REDIC1: variants seen among roughly 807,000 people sequenced by gnomAD.
REDIC1 encodes HEI10 Interacting Protein 1.
At chr12:39,664,890 G>A in the REDIC1 span, among the ~76,000 whole-genome samples, 1 of 152,152 alleles carries the variant, frequency 6.6e-6, no homozygotes, top group African/African-American at 2.4e-5. Context: ...AGAAGTGTCT[G>A]TTCATATCCT....
chr12:39,705,167 C>T, the REDIC1 span, among the ~76,000 whole-genome samples: 3 of 151,850 alleles, frequency 2.0e-5, no homozygotes, highest in African/African-American at 7.3e-5. Flanking sequence ...AAGGATCATT[C>T]GTGGGTGCTA....
chr12:39,711,456 C>T, the REDIC1 span, among the ~76,000 whole-genome samples: 4 of 139,738 alleles, frequency 2.9e-5, no homozygotes, highest in African/African-American at 1.1e-4. Flanking sequence ...CATATATACA[C>T]ATATACACAT....
chr12:39,698,844 C>G, the REDIC1 span, among the ~76,000 whole-genome samples: 230 of 152,120 alleles, frequency 1.5e-3, 2 homozygotes, highest in African/African-American at 5.3e-3. Context: ...AAAAGCAGTA[C>G]TAAGAGGGAA....
At chr12:39,699,278 C>T in the REDIC1 span, among the ~76,000 whole-genome samples, 1 of 152,186 alleles carries the variant, frequency 6.6e-6, no homozygotes, top group East Asian at 1.9e-4. Context: ...CGAGGCATTG[C>T]CTCACTCGGG....
chr12:39,712,574 C>A, the REDIC1 span, among the ~76,000 whole-genome samples: 2 of 138,618 alleles, frequency 1.4e-5, no homozygotes. Flanking sequence ...TACGTATATA[C>A]GTATATATGT....
At chr12:39,718,556 C>T in the REDIC1 span, among the ~76,000 whole-genome samples, 1 of 152,038 alleles carries the variant, frequency 6.6e-6, no homozygotes, top group African/African-American at 2.4e-5. Flanking sequence ...TAAATAAGGG[C>T]AATCTTGGTC....
chr12:39,816,493 T>C, the REDIC1 span, among the ~76,000 whole-genome samples: 118 of 150,464 alleles, frequency 7.8e-4, 2 homozygotes, highest in South Asian at 7.4e-3. Flanking sequence ...GACGAGTTAA[T>C]GGGTGCAGCA....
the REDIC1 span, chr12:39,650,198 C>T: frequency 1.3e-6 from 2 of 1,496,420 alleles, no homozygotes; most frequent in East Asian, 2.4e-5. This position sits in a 1 kb window ranked among gnomAD's most constrained non-coding sequence, Gnocchi z 4.3. Context: ...TATATATGTA[C>T]ATTTACTATT....
the REDIC1 span, among the ~76,000 whole-genome samples, chr12:39,891,850 T>C: frequency 6.6e-6 from 1 of 152,208 alleles, no homozygotes; most frequent in African/African-American, 2.4e-5. Context: ...CTATCTTTAC[T>C]GTGAAATAAC....
At chr12:39,896,051 T>C in the REDIC1 span, among the ~76,000 whole-genome samples, 1 of 137,210 alleles carries the variant, frequency 7.3e-6, no homozygotes. Flanking sequence ...TATACGCATG[T>C]ATATATGCAT....
chr12:39,837,871 A>G, the REDIC1 span, among the ~76,000 whole-genome samples: 30 of 151,060 alleles, frequency 2.0e-4, no homozygotes, highest in East Asian at 5.9e-4. Flanking sequence ...GGAGAAATAG[A>G]AACACTTTTA....
chr12:39,627,961 G>A, the REDIC1 span, among the ~76,000 whole-genome samples: 1 of 152,162 alleles, frequency 6.6e-6, no homozygotes, highest in African/African-American at 2.4e-5. Flanking sequence ...TGACTGGTGG[G>A]TGATGGTGGT....
At chr12:39,650,438 T>A in the REDIC1 span, 1 of 1,492,662 alleles carries the variant, frequency 6.7e-7, no homozygotes, top group Non-Finnish European at 8.9e-7. The surrounding 1 kb of genome is among the most constrained non-coding windows in gnomAD (Gnocchi z 4.3). Context: ...GACACAAATA[T>A]TTTTAGTTAA....
chr12:39,773,363 A>G, the REDIC1 span, among the ~76,000 whole-genome samples: 2 of 152,186 alleles, frequency 1.3e-5, no homozygotes, highest in Non-Finnish European at 2.9e-5. Context: ...TACAGACCAA[A>G]TAAATAATCG....
At chr12:39,712,876 C>CATATACGT in the REDIC1 span, among the ~76,000 whole-genome samples, 1 of 66,034 alleles carries the variant, frequency 1.5e-5, no homozygotes, top group Non-Finnish European at 3.7e-5. Flanking sequence ...CGTATATACA[C>CATATACGT]GTATATACAT....
At chr12:39,708,449 T>A in the REDIC1 span, among the ~76,000 whole-genome samples, 9 of 151,964 alleles carry the variant, frequency 5.9e-5, no homozygotes, top group African/African-American at 2.2e-4. Context: ...TGTAGTTAAA[T>A]TGATCAATTT....
the REDIC1 span, among the ~76,000 whole-genome samples, chr12:39,883,707 C>G: frequency 6.6e-6 from 1 of 152,110 alleles, no homozygotes; most frequent in East Asian, 1.9e-4. Flanking sequence ...TTTGCAAGAA[C>G]TTTCATTCTA....
the REDIC1 span, among the ~76,000 whole-genome samples, chr12:39,816,293 G>A: frequency 1.0e-3 from 155 of 152,126 alleles, 1 homozygote; most frequent in African/African-American, 3.6e-3. Flanking sequence ...GGTGAAGGAT[G>A]AGATGAGATG....
chr12:39,804,709 GGACAGACATTCTA>G, the REDIC1 span, among the ~76,000 whole-genome samples: 1 of 152,008 alleles, frequency 6.6e-6, no homozygotes, highest in Non-Finnish European at 1.5e-5. Context: ...TCCTCTCAGA[GGACAGACATTCTA>G]GAAATGTAGA....
Sources: allele counts gnomAD v4.1 joint callset (sites outside exome capture counted in the v4.1 genomes callset), GRCh38; gene constraint gnomAD v4.1.1; non-coding constraint Gnocchi (gnomAD v3.1); transcripts MANE v1.5; gene names NCBI Gene and HGNC (gene_info 2026-07-23, HGNC 2026-07-21).